DIAPH2: variants seen among roughly 807,000 people sequenced by gnomAD.
DIAPH2 encodes the protein diaphanous related formin 2.
In DIAPH2, 35 loss-of-function variants were observed where a neutral mutation model predicts 92.7. That is an observed-to-expected ratio of 0.38 (90% CI 0.29 to 0.50). DIAPH2 has a LOEUF of 0.50. DIAPH2 is among the 20% of genes least tolerant of loss of function. The probability of loss-of-function intolerance (pLI) is 0.94; values close to 1 mark genes in which losing one functional copy is unlikely to be tolerated. For missense variants in DIAPH2, 701 were observed against 819.5 expected (o/e 0.86, Z 1.77); for synonymous variants, 301 against 280.4 (o/e 1.07, Z -0.73).
At chrX:96,798,444 C>T (rs182139819) in intron 4 of DIAPH2, among the ~76,000 whole-genome samples, 313 of 110,430 alleles carry the variant, frequency 2.8e-3, no homozygotes, top group Non-Finnish European at 3.7e-3. Flanking sequence ...TTTCAGTTCT[C>T]GAGTCTCATT....
chrX:97,269,754 T>TA (rs201358621), intron 23 of DIAPH2, among the ~76,000 whole-genome samples: 8 of 106,799 alleles, frequency 7.5e-5, no homozygotes, highest in South Asian at 4.2e-4. Flanking sequence ...TATTTTTATT[T>TA]TTTTTTTTTT....
intron 22 of DIAPH2, among the ~76,000 whole-genome samples, chrX:97,142,704 CT>C (rs1428725400): frequency 8.9e-6 from 1 of 111,818 alleles, no homozygotes; most frequent in African/African-American, 3.2e-5. Flanking sequence ...GAAACATTTG[CT>C]GAAGGTGAGA....
intron 8 of DIAPH2, 77 bp downstream of exon 8, chrX:96,916,651 C>T: frequency 1.0e-6 from 1 of 969,814 alleles, no homozygotes; most frequent in Non-Finnish European, 1.4e-6. Context: ...CTTTTGTTCT[C>T]TTTCTTTGGA....
At chrX:97,502,368 C>A (rs907854241) in intron 26 of DIAPH2, among the ~76,000 whole-genome samples, 1 of 111,893 alleles carries the variant, frequency 8.9e-6, no homozygotes, top group Admixed American at 9.5e-5. Context: ...ATTGATGAAC[C>A]CTTGGAGAAC....
At chrX:97,316,485 C>CAAAAAAAAAAAA (rs55897560) in intron 23 of DIAPH2, among the ~76,000 whole-genome samples, 1 of 59,305 alleles carries the variant, frequency 1.7e-5, no homozygotes. Flanking sequence ...ACTAAAAATA[C>CAAAAAAAAAAAA]AAAAAAAAAA....
intron 26 of DIAPH2, among the ~76,000 whole-genome samples, chrX:97,503,902 C>G (rs776066594): frequency 9.0e-6 from 1 of 111,489 alleles, no homozygotes; most frequent in South Asian, 3.8e-4. Flanking sequence ...TGCATTCAAC[C>G]TGCTTCAGAA....
At chrX:97,046,259 A>G (rs1040382315) in intron 17 of DIAPH2, among the ~76,000 whole-genome samples, 5 of 109,544 alleles carry the variant, frequency 4.6e-5, no homozygotes, top group Admixed American at 9.8e-5. Context: ...TGTAGGAGAG[A>G]GAGAAAATAA....
intron 4 of DIAPH2, among the ~76,000 whole-genome samples, chrX:96,841,263 A>G (rs2064934725): frequency 8.9e-6 from 1 of 112,195 alleles, no homozygotes; most frequent in African/African-American, 3.2e-5. Flanking sequence ...CTTATTAAAT[A>G]AAGTAATGCC....
chrX:97,346,397 A>C (rs1054532342), intron 23 of DIAPH2, among the ~76,000 whole-genome samples: 2 of 102,807 alleles, frequency 1.9e-5, no homozygotes, highest in South Asian at 4.4e-4. Context: ...TCTCCCCTTC[A>C]TCCTCTCTTC....
intron 23 of DIAPH2, among the ~76,000 whole-genome samples, chrX:97,346,285 G>A (rs902678020): frequency 2.7e-5 from 3 of 111,093 alleles, no homozygotes; most frequent in Admixed American, 1.9e-4. Flanking sequence ...CCCTTTGGGC[G>A]ATTAAGGTTC....
At chrX:97,033,525 T>C (rs1297032199) in intron 17 of DIAPH2, among the ~76,000 whole-genome samples, 1 of 111,824 alleles carries the variant, frequency 8.9e-6, no homozygotes, top group Non-Finnish European at 1.9e-5. Context: ...AAATAGAGAA[T>C]TTTATGAATT....
chrX:96,918,759 G>A (rs1181672312), intron 9 of DIAPH2, 142 bp downstream of exon 9: 9 of 422,555 alleles, frequency 2.1e-5, no homozygotes, highest in Non-Finnish European at 3.6e-5. Flanking sequence ...TGTGAGAATT[G>A]CAATTTGTTT....
At chrX:96,764,764 T>G (rs757503530) in intron 4 of DIAPH2, among the ~76,000 whole-genome samples, 1 of 111,819 alleles carries the variant, frequency 8.9e-6, no homozygotes, top group African/African-American at 3.3e-5. Context: ...AAGTACTGGA[T>G]TCTGATAGAC....
chrX:97,336,822 CAAG>C (rs942223077), intron 23 of DIAPH2, among the ~76,000 whole-genome samples: 33 of 111,764 alleles, frequency 3.0e-4, no homozygotes, highest in African/African-American at 1.0e-3. Flanking sequence ...ACATAAAAGA[CAAG>C]AGAGTGAATA....
At chrX:97,259,978 C>T (rs761977986) in intron 23 of DIAPH2, among the ~76,000 whole-genome samples, 19 of 111,603 alleles carry the variant, frequency 1.7e-4, no homozygotes, top group Admixed American at 3.8e-4. Context: ...TACAGGCGCC[C>T]GTCACCACTC....
At chrX:97,402,207 C>CGTGTGTGTGTGTGT (rs10695870) in intron 25 of DIAPH2, among the ~76,000 whole-genome samples, 23 of 99,856 alleles carry the variant, frequency 2.3e-4, no homozygotes, top group African/African-American at 7.9e-4. Flanking sequence ...TCATTTGCAT[C>CGTGTGTGTGTGTGT]GTGTGTGTGT....
chrX:97,524,121 C>G (rs1240472980), intron 26 of DIAPH2, among the ~76,000 whole-genome samples: 1 of 111,613 alleles, frequency 9.0e-6, no homozygotes, highest in African/African-American at 3.3e-5. Flanking sequence ...TTTATTTGTT[C>G]ATCATTTGTC....
At chrX:97,098,704 C>A (rs766275611) in intron 19 of DIAPH2, among the ~76,000 whole-genome samples, 16 of 112,569 alleles carry the variant, frequency 1.4e-4, no homozygotes, top group Non-Finnish European at 3.0e-4. Context: ...GGATTACAGG[C>A]ATGAACCACT....
intron 26 of DIAPH2, among the ~76,000 whole-genome samples, chrX:97,493,701 A>G (rs1046921839): frequency 9.2e-6 from 1 of 108,948 alleles, no homozygotes; most frequent in Non-Finnish European, 1.9e-5. Context: ...CAACGTGATG[A>G]GACACCATCT....
Sources: allele counts gnomAD v4.1 joint callset (sites outside exome capture counted in the v4.1 genomes callset), GRCh38; gene constraint gnomAD v4.1.1; transcripts MANE v1.5; gene names NCBI Gene and HGNC (gene_info 2026-07-23, HGNC 2026-07-21).